The following C3orf85 variants were observed in gnomAD, a reference collection of about 807,000 sequenced individuals.
C3orf85 encodes the protein uncharacterized protein C3orf85.
C3orf85 carries 1 observed loss-of-function variant against 1.7 expected under a neutral mutation model. That is an observed-to-expected ratio of 0.60 (90% confidence interval 0.21 to 2.86). The LOEUF is 2.86. C3orf85 is among the 30% of genes most tolerant of loss of function. The pLI, the probability that C3orf85 is intolerant of heterozygous loss-of-function variation, is 0.22. For missense variants in C3orf85, 29 were observed against 21.3 expected (o/e 1.36, Z -0.72); for synonymous variants, 17 against 8.0 (o/e 2.13, Z -1.90).
At chr3:109,137,635 GTGTATATATATATA>G (rs1401592888) in intron 2 of C3orf85, among the ~76,000 whole-genome samples, 1 of 48,796 alleles carries the variant, frequency 2.0e-5, no homozygotes, top group African/African-American at 4.2e-5. Flanking sequence ...GTGTGTGTGT[GTGTATATATATATA>G]TATATATATA....
rs151324886 is a variant in C3orf85, at chr3:109,143,626, C to T, written c.50-4627C>T. Among the ~76,000 whole-genome samples the T allele has an allele frequency of 1.6e-3, 237 of 152,242 alleles. 3 individuals are homozygous for T. Among genetic ancestry groups the T allele is most frequent in the African/African-American group, 5.4e-3 (225 of 41,536 alleles). The stretch of plus-strand genomic sequence containing the variant: ...CATATTCTCTGTGCTTCCGATAACA[C>T]GATACCATGCATAGAAAGTAGTTTT... On this transcript the variant is annotated intron_variant, in intron 2 of 3. Transcript: ENST00000622536.
Position 109,150,819 on chromosome 3 carries a change from A to T in C3orf85, c.*925A>T, listed in dbSNP as rs1389405998. Among the ~76,000 whole-genome samples the T allele has an allele frequency of 6.6e-6, 1 of 152,202 alleles. No homozygotes were observed. The highest frequency in any genetic ancestry group is 1.5e-5 in the Non-Finnish European group (1 of 68,036). On this transcript the variant is annotated 3_prime_UTR_variant, in exon 4 of 4. Coordinates refer to ENST00000622536, the MANE Select transcript of C3orf85 (RefSeq NM_001351622.2). Reference sequence around the variant, plus strand: ...ATTCTCTATTTTAGTTGTTCTCTCGAACAATTTATTTTTACCTTTTAAGGT... The same window carrying T: ...ATTCTCTATTTTAGTTGTTCTCTCGTACAATTTATTTTTACCTTTTAAGGT...
chr3:109,150,102 CA>C lies in C3orf85; in HGVS notation c.*215del. 2 of 267,614 alleles carry C rather than the reference CA, an allele frequency of 7.5e-6. No homozygotes were observed. Among genetic ancestry groups the C allele is most frequent in the East Asian group, 1.1e-4 (2 of 18,242 alleles). The allele number at this position is 267,614 out of a possible 1,614,324, so 16.6% of individuals were successfully genotyped here. ...GACATTCTCAATAAATGGTAGTTCT[CA>C]AAAAAAGAACTAAAAAAAAAAAAGG... On this transcript the variant is annotated 3_prime_UTR_variant, in exon 4 of 4. Transcript: ENST00000622536.
rs1231795058 is a variant in C3orf85, at chr3:109,150,463, T to C, written c.*569T>C. ...ATAGTGGCTAGGAACTCAATGGAAG[T>C]CATTCACTTGTAAGTGCAAACTTCT... On this transcript the variant is annotated 3_prime_UTR_variant, in exon 4 of 4. Transcript: ENST00000622536. The C allele has an allele frequency of 2.6e-5, 4 of 152,214 alleles. No individual in the cohort carries two copies. The highest frequency in any genetic ancestry group is 4.4e-5 in the Non-Finnish European group (3 of 68,030). 9.4% of individuals were successfully genotyped at this position (152,214 alleles called of 1,614,324 possible). A position where few individuals can be genotyped will look rare whatever the true frequency, so the allele number is the denominator to read the frequency against.
chr3:109,140,292 T>C (rs1377608401), intron 2 of C3orf85, among the ~76,000 whole-genome samples: 2 of 152,330 alleles, frequency 1.3e-5, no homozygotes, highest in East Asian at 1.9e-4. Context: ...ACGGAATTTA[T>C]TGGACGAAAA....
At position 109,148,320 on chromosome 3, in the gene C3orf85, A is replaced by G; in HGVS notation, c.117A>G (p.Val39=). The G allele has an allele frequency of 4.3e-6, 3 of 702,762 alleles. No individual in the cohort carries two copies. The highest frequency in any genetic ancestry group is 5.2e-6 in the Non-Finnish European group (2 of 384,810). 43.5% of individuals were successfully genotyped at this position (702,762 alleles called of 1,614,324 possible). ...ANQFLRLKRH[V]NLQDYWDPDH... is the part of the protein sequence containing the mutation. ...AGTTCCTACGTCTCAAAAGACATGT[A>G]AATTTGCAGGATTACTGGGACCCAG... The change falls in exon 3 of 4, where the codon GTA becomes GTG. Residue 39 remains valine (V), a synonymous_variant. Transcript: ENST00000622536.
chr3:109,139,014 G>A (rs1016783675), intron 2 of C3orf85, among the ~76,000 whole-genome samples: 4 of 152,142 alleles, frequency 2.6e-5, no homozygotes, highest in Non-Finnish European at 5.9e-5. Flanking sequence ...ACTTTGCATA[G>A]GCTATCTTAG....
At chr3:109,141,109 C>G (rs947803471) in intron 2 of C3orf85, among the ~76,000 whole-genome samples, 2 of 152,196 alleles carry the variant, frequency 1.3e-5, no homozygotes, top group Non-Finnish European at 2.9e-5. Flanking sequence ...GGCTCAGCCT[C>G]CTGAGTAGCT....
chr3:109,148,670 A>T (rs1706827979), intron 3 of C3orf85: 1 of 343,124 alleles, frequency 2.9e-6, no homozygotes, highest in African/African-American at 2.1e-5. Flanking sequence ...TCACAAATAA[A>T]TAGCTCTCAA....
chr3:109,141,889 C>T (rs979208534), intron 2 of C3orf85, among the ~76,000 whole-genome samples: 3 of 152,090 alleles, frequency 2.0e-5, no homozygotes, highest in Non-Finnish European at 4.4e-5. Flanking sequence ...ATTAGCCAGG[C>T]GTGGTGGTGC....
At chr3:109,137,220 A>C (rs1202052838) in intron 2 of C3orf85, among the ~76,000 whole-genome samples, 2 of 152,142 alleles carry the variant, frequency 1.3e-5, no homozygotes, top group African/African-American at 4.8e-5. Context: ...TTTCAGAAGT[A>C]TAATACTTAA....
intron 2 of C3orf85, among the ~76,000 whole-genome samples, chr3:109,146,746 C>CA (rs1222301193): frequency 6.6e-6 from 1 of 152,118 alleles, no homozygotes; most frequent in Non-Finnish European, 1.5e-5. Context: ...ATCCTAGCCA[C>CA]AAAAATTGCA....
At chr3:109,136,987 G>A (rs900819017) in intron 2 of C3orf85, 91 bp downstream of exon 2, 37 of 397,780 alleles carry the variant, frequency 9.3e-5, no homozygotes, top group Non-Finnish European at 1.6e-4. Flanking sequence ...GAACAAACAC[G>A]TTTTTATCCA....
chr3:109,145,974 A>C (rs1480483432), intron 2 of C3orf85, among the ~76,000 whole-genome samples: 1 of 152,190 alleles, frequency 6.6e-6, no homozygotes, highest in African/African-American at 2.4e-5. Flanking sequence ...AAGTGTAACA[A>C]ATCTTTGAAG....
intron 2 of C3orf85, among the ~76,000 whole-genome samples, chr3:109,142,867 C>T (rs1706756144): frequency 6.6e-6 from 1 of 152,086 alleles, no homozygotes. Flanking sequence ...GGAAGGCAAT[C>T]GATTTCCTTT....
chr3:109,142,840 T>C lies in C3orf85; in HGVS notation c.50-5413T>C, dbSNP rs770502411. On this transcript the variant is annotated intron_variant, in intron 2 of 3. Transcript: ENST00000622536. ...GTCCAGTTTTGATCAAGTTGAGAAATAAAGAAATAAGATTATGGAAGGCAA... is the reference window on the plus strand; with the variant it reads ...GTCCAGTTTTGATCAAGTTGAGAAACAAAGAAATAAGATTATGGAAGGCAA... Among the ~76,000 whole-genome samples the C allele has an allele frequency of 1.7e-4, 26 of 152,192 alleles. 1 individual carries two copies. Among genetic ancestry groups the C allele is most frequent in the Non-Finnish European group, 3.5e-4 (24 of 67,998 alleles).
intron 2 of C3orf85, among the ~76,000 whole-genome samples, chr3:109,145,991 T>G (rs1299977571): frequency 6.6e-6 from 1 of 152,214 alleles, no homozygotes; most frequent in East Asian, 1.9e-4. Context: ...GAAGCTCAAC[T>G]CAAAATAAAT....
chr3:109,144,614 G>A (rs915222416), intron 2 of C3orf85, among the ~76,000 whole-genome samples: 1 of 152,130 alleles, frequency 6.6e-6, no homozygotes, highest in East Asian at 1.9e-4. Context: ...AATAGCTATT[G>A]TATATATTTT....
chr3:109,137,216 A>T (rs1358355232), intron 2 of C3orf85, among the ~76,000 whole-genome samples: 1 of 152,110 alleles, frequency 6.6e-6, no homozygotes, highest in East Asian at 1.9e-4. Flanking sequence ...TATCTTTCAG[A>T]AGTATAATAC....
Sources: gnomAD v4.1 joint callset for allele counts (sites outside exome capture counted in the v4.1 genomes callset) on GRCh38, gnomAD v4.1.1 for gene constraint, MANE v1.5 for transcripts, NCBI Gene and HGNC (gene_info 2026-07-23, HGNC 2026-07-21) for gene names.